Variants in RAB3C observed in about 807,000 individuals in gnomAD.
The protein encoded by RAB3C is RAB3C, member RAS oncogene family.
Under a neutral mutation model 26.4 loss-of-function variants are expected in RAB3C, and 17 were observed. That is an observed-to-expected ratio of 0.64 (90% confidence interval 0.44 to 0.97). RAB3C has a LOEUF of 0.97. RAB3C is among the 50% of genes least tolerant of loss of function. The pLI, the probability that RAB3C is intolerant of heterozygous loss-of-function variation, is 0.00. For missense variants in RAB3C, 242 were observed against 281.9 expected, an observed-to-expected ratio of 0.86 and a Z score of 1.01; for synonymous variants, 91 against 95.9, an observed-to-expected ratio of 0.95 and a Z score of 0.30.
chr5:58,620,888 G>T (rs553662449), intron 2 of RAB3C, among the ~76,000 whole-genome samples: 1 of 152,274 alleles, frequency 6.6e-6, no homozygotes, highest in South Asian at 2.1e-4. Flanking sequence ...ATAATGAGGA[G>T]CAACAGTGGT....
chr5:58,701,956 G>C (rs868866453), intron 2 of RAB3C, among the ~76,000 whole-genome samples: 2 of 152,078 alleles, frequency 1.3e-5, no homozygotes, highest in African/African-American at 4.8e-5. Context: ...TTGGAGATTG[G>C]AAAGTAGACC....
intron 2 of RAB3C, among the ~76,000 whole-genome samples, chr5:58,700,869 GAAA>G (rs897269841): frequency 6.6e-6 from 1 of 152,124 alleles, no homozygotes; most frequent in Non-Finnish European, 1.5e-5. Context: ...AGCCTGGCAA[GAAA>G]AAATGCTATG....
intron 4 of RAB3C, among the ~76,000 whole-genome samples, chr5:58,828,901 CTTTTTTT>C (rs762653092): frequency 1.6e-5 from 2 of 122,434 alleles, no homozygotes; most frequent in Non-Finnish European, 3.5e-5. Context: ...TTTTACCATG[CTTTTTTT>C]TTTTTTTTTT....
intron 2 of RAB3C, among the ~76,000 whole-genome samples, chr5:58,639,667 A>G (rs1747371518): frequency 3.3e-5 from 5 of 152,244 alleles, no homozygotes; most frequent in Middle Eastern, 3.4e-3. Context: ...GCTTCAATAT[A>G]TGAATTTTGG....
At chr5:58,639,858 GATATA>G (rs1218646366) in intron 2 of RAB3C, among the ~76,000 whole-genome samples, 2 of 152,144 alleles carry the variant, frequency 1.3e-5, no homozygotes, top group African/African-American at 4.8e-5. Context: ...GTGCTTGGAT[GATATA>G]AAATCATGTT....
chr5:58,583,351 G>A, intron 1 of RAB3C, 119 bp downstream of exon 1: 5 of 1,557,746 alleles, frequency 3.2e-6, no homozygotes, highest in Non-Finnish European at 4.3e-6. Context: ...CGGAGATGCG[G>A]CTCTGTGACA....
intron 1 of RAB3C, among the ~76,000 whole-genome samples, chr5:58,591,962 G>T: frequency 6.8e-6 from 1 of 146,180 alleles, no homozygotes; most frequent in Middle Eastern, 3.6e-3. Flanking sequence ...GCAGTGGCAC[G>T]ATCTCGGCTC....
chr5:58,830,334 A>G (rs932267824), intron 4 of RAB3C, among the ~76,000 whole-genome samples: 6 of 152,158 alleles, frequency 3.9e-5, no homozygotes, highest in African/African-American at 1.4e-4. Flanking sequence ...TACTTCCCAA[A>G]AGGTCTAGAT....
intron 1 of RAB3C, 178 bp downstream of exon 1, chr5:58,583,410 T>C (rs777034830): frequency 1.6e-5 from 15 of 915,818 alleles, no homozygotes; most frequent in Non-Finnish European, 2.0e-5. Flanking sequence ...GTGGCTGTGA[T>C]TGGGGCTGTC....
intron 3 of RAB3C, among the ~76,000 whole-genome samples, chr5:58,763,969 T>G (rs1483529351): frequency 6.6e-6 from 1 of 152,210 alleles, no homozygotes; most frequent in Non-Finnish European, 1.5e-5. Context: ...GCCTTTCAAC[T>G]TGTCCTAAAT....
intron 2 of RAB3C, among the ~76,000 whole-genome samples, chr5:58,657,456 A>T (rs1236029483): frequency 1.3e-5 from 2 of 152,210 alleles, no homozygotes; most frequent in African/African-American, 4.8e-5. Flanking sequence ...AGAGATCTGA[A>T]TGACGATGTG....
intron 1 of RAB3C, among the ~76,000 whole-genome samples, chr5:58,606,089 G>T (rs1030252869): frequency 2.0e-5 from 3 of 152,194 alleles, no homozygotes; most frequent in Admixed American, 6.5e-5. Context: ...CTGAAGCAGG[G>T]TGGGGCATCA....
intron 3 of RAB3C, among the ~76,000 whole-genome samples, chr5:58,726,476 G>A (rs1432279916): frequency 6.6e-6 from 1 of 151,934 alleles, no homozygotes; most frequent in Admixed American, 6.6e-5. Context: ...TGGCTCTTGC[G>A]CCAAATCTGG....
At chr5:58,647,846 G>A (rs1022054) in intron 2 of RAB3C, 15,910 of 152,116 alleles carry the variant, frequency 0.1, 964 homozygotes, top group Middle Eastern at 0.21. Flanking sequence ...AAGGATCCAC[G>A]TTCCTTTGAT....
chr5:58,612,516 GTGTGTATATATA>G (rs1182886059), intron 1 of RAB3C, among the ~76,000 whole-genome samples: 61 of 40,998 alleles, frequency 1.5e-3, no homozygotes, highest in Admixed American at 6.3e-3. Flanking sequence ...GTGTGTGTGT[GTGTGTATATATA>G]TATATATATA....
chr5:58,656,170 C>T (rs936834902), intron 2 of RAB3C, among the ~76,000 whole-genome samples: 3 of 152,086 alleles, frequency 2.0e-5, no homozygotes, highest in Non-Finnish European at 2.9e-5. Flanking sequence ...AACAGAGATA[C>T]GTAAGGCAGA....
intron 2 of RAB3C, among the ~76,000 whole-genome samples, chr5:58,697,887 A>T (rs966515086): frequency 2.0e-5 from 3 of 152,066 alleles, no homozygotes; most frequent in Admixed American, 2.0e-4. Context: ...TTGCCAGTCT[A>T]TGTCTTTTAA....
At chr5:58,599,093 G>A (rs933031844) in intron 1 of RAB3C, among the ~76,000 whole-genome samples, 1 of 152,112 alleles carries the variant, frequency 6.6e-6, no homozygotes, top group Non-Finnish European at 1.5e-5. Context: ...GAGTAGCAAA[G>A]GAGCAAATAG....
At chr5:58,582,498 C>T (rs1014568330), upstream of RAB3C, 58 of 787,344 alleles carry the variant, frequency 7.4e-5, no homozygotes, top group Non-Finnish European at 8.8e-5. Context: ...GTGTGTGTGA[C>T]TATGTACGCG....
Sources: allele counts gnomAD v4.1 joint callset (sites outside exome capture counted in the v4.1 genomes callset), GRCh38; gene constraint gnomAD v4.1.1; transcripts MANE v1.5; gene names NCBI Gene and HGNC (gene_info 2026-07-23, HGNC 2026-07-21).